Variants in SIGLEC10 observed in about 807,000 individuals in gnomAD.
SIGLEC10 encodes sialic acid binding Ig like lectin 10.
SIGLEC10 carries 45 observed loss-of-function variants against 68.3 expected under a neutral mutation model. The ratio of observed to expected loss-of-function variants is 0.66; its 90% CI spans 0.52 to 0.84. The LOEUF is 0.84. Among genes scored for constraint, SIGLEC10 ranks in the 40% least tolerant of loss-of-function variants. The probability of loss-of-function intolerance (pLI) is 0.00; values close to 1 mark genes in which losing one functional copy is unlikely to be tolerated. For missense variants in SIGLEC10, 789 were observed against 883.1 expected (o/e 0.89, Z 1.35); for synonymous variants, 379 against 370.8 (o/e 1.02, Z -0.26).
Position 51,415,220 on chromosome 19 carries a change from G to C in SIGLEC10, c.1291C>G (p.Leu431Val), listed in dbSNP as rs147035375. The change falls in exon 7 of 11, where the codon CTG becomes GTG. Residue 431 changes from leucine (L) to valine (V), a missense_variant. Physicochemically the swap from Leu to Val is conservative, Grantham distance 32 (BLOSUM62 1). Transcript: ENST00000339313. ...GEFTCHARHP[L>V]GSQHVSLSLS... ...CTGAGAGAGACGTGCTGGGAGCCCA[G>C]TGGGTGCCGAGCGTGGCAGGTGAAC... is the stretch of plus-strand genomic sequence containing the variant. The C allele has an allele frequency of 3.1e-6, 5 of 1,613,036 alleles. No individual in the cohort carries two copies. Among genetic ancestry groups the C allele is most frequent in the South Asian group, 2.2e-5 (2 of 90,954 alleles).
At chr19:51,413,883 G>A (rs1017807975) in intron 9 of SIGLEC10, 60 bp from the exon 10 acceptor site, 45 of 1,307,586 alleles carry the variant, frequency 3.4e-5, no homozygotes, top group South Asian at 5.9e-5. Flanking sequence ...AGACTGCCAC[G>A]TTTACTACCT....
rs756960551 is a variant in SIGLEC10 at position 51,411,155 on chromosome 19, C to T, written c.2038G>A (p.Glu680Lys). 2 of 1,614,218 alleles carry T rather than the reference C, an allele frequency of 1.2e-6. No homozygotes were observed. Among genetic ancestry groups the T allele is most frequent in the Non-Finnish European group, 1.7e-6 (2 of 1,180,042 alleles). Residue 680 changes from glutamate (E) to lysine (K), a missense_variant, in exon 11 of 11, where the codon GAG becomes AAG. Physicochemically the swap from Glu to Lys is moderately conservative, Grantham distance 56. Coordinates refer to ENST00000339313, the MANE Select transcript of SIGLEC10 (RefSeq NM_033130.5). ...LNFPGVRPRP[E>K]ARMPKGTQAD... Reference sequence around the variant, plus strand: ...TGGGTGCCCTTGGGCATCCGGGCCTCAGGCCTGGGTCTGACGCCTGGGAAG... The same window carrying T: ...TGGGTGCCCTTGGGCATCCGGGCCTTAGGCCTGGGTCTGACGCCTGGGAAG...
rs1202222104 is a variant in SIGLEC10 at position 51,415,954 on chromosome 19, C to T, written c.968G>A (p.Cys323Tyr). 1 of 1,613,644 alleles carries T rather than the reference C, an allele frequency of 6.2e-7. No homozygotes were observed. ...GGAGCCAAGCCTGTTCTCCGCTCGG[C>T]AGGTGTAGCGCCCTGAATCCCCAGC... ...VKAGDSGRYT[C>Y]RAENRLGSQQ... Residue 323 changes from cysteine to tyrosine, a missense_variant, in exon 5 of 11, where the codon TGC becomes TAC. Physicochemically the swap from Cys to Tyr is radical, Grantham distance 194. Transcript: ENST00000339313.
intron 10 of SIGLEC10, among the ~76,000 whole-genome samples, chr19:51,411,762 C>A (rs1444142323): frequency 6.6e-6 from 1 of 152,142 alleles, no homozygotes; most frequent in East Asian, 1.9e-4. Context: ...AGGAAAATCA[C>A]TTGAACCTGA....
chr19:51,416,159 G>T lies in SIGLEC10; in HGVS notation c.763C>A (p.Pro255Thr). The T allele has an allele frequency of 6.2e-7, 1 of 1,610,458 alleles. No individual in the cohort carries two copies. The highest frequency in any genetic ancestry group is 8.5e-7 in the Non-Finnish European group (1 of 1,178,456). ...TATGGGACATTTCCCTGGGGCTGGG[G>T]CTCCAGGGCTGGAGTGGGAGGAAAA... ...ISRDNTPALE[P>T]QPQGNVPYLE... Residue 255 changes from proline to threonine, a missense_variant, in exon 5 of 11, where the codon CCC becomes ACC. Coordinates refer to ENST00000339313, the MANE Select transcript of SIGLEC10 (RefSeq NM_033130.5).
intron 10 of SIGLEC10, among the ~76,000 whole-genome samples, chr19:51,412,035 C>G (rs181149666): frequency 6.6e-6 from 1 of 151,492 alleles, no homozygotes; most frequent in African/African-American, 2.4e-5. Context: ...CCCAGCTACT[C>G]AGGAGGCTGA....
At chr19:51,412,986 G>T (rs1334573871) in intron 10 of SIGLEC10, among the ~76,000 whole-genome samples, 1 of 151,842 alleles carries the variant, frequency 6.6e-6, no homozygotes, top group Admixed American at 6.6e-5. Context: ...TCAGGCTGGG[G>T]AATTATCTTA....
At position 51,416,765 on chromosome 19, in the gene SIGLEC10, T is replaced by G; in HGVS notation, c.607A>C (p.Thr203Pro). The G allele has an allele frequency of 6.2e-7, 1 of 1,614,172 alleles. No individual in the cohort carries two copies. Among genetic ancestry groups the G allele is most frequent in the South Asian group, 1.1e-5 (1 of 91,088 alleles). Reference protein sequence around the residue: ...TTSHFSVLSFTPRPQDHNTDL... With the variant: ...TTSHFSVLSFPPRPQDHNTDL... Reference sequence around the variant, plus strand: ...GTGTTGTGGTCCTGGGGTCTGGGCGTGAAGCTGAGCACTGAGAAGTGGGAG... The same window carrying G: ...GTGTTGTGGTCCTGGGGTCTGGGCGGGAAGCTGAGCACTGAGAAGTGGGAG... Residue 203 changes from threonine (T) to proline (P), a missense_variant, in exon 3 of 11, where the codon ACG (threonine) becomes CCG (proline). Coordinates refer to ENST00000339313, the MANE Select transcript of SIGLEC10 (RefSeq NM_033130.5).
chr19:51,416,100 G>T lies in SIGLEC10; in HGVS notation c.822C>A (p.Leu274=). ...LEAQKGQFLR[L]LCAADSQPPA... ...GGGGCTGGCTGTCAGCAGCACAGAG[G>T]AGCCGCAGGAACTGGCCTTTTTGGG... The change falls in exon 5 of 11, where the codon CTC becomes CTA. Residue 274 remains leucine, a synonymous_variant. Coordinates refer to ENST00000339313, the MANE Select transcript of SIGLEC10 (RefSeq NM_033130.5). 6.2e-7 allele frequency: 1 copy of T among 1,608,788 alleles called. No individual in the cohort carries two copies. Among genetic ancestry groups the T allele is most frequent in the Non-Finnish European group, 8.5e-7 (1 of 1,177,894 alleles).
chr19:51,415,791 C>T (rs1254869408), intron 5 of SIGLEC10, 107 bp downstream of exon 5: 5 of 1,580,938 alleles, frequency 3.2e-6, no homozygotes, highest in Non-Finnish European at 4.3e-6. Flanking sequence ...GAAGGTCGGT[C>T]TCCGAGGCCT....
At position 51,415,354 on chromosome 19, in the gene SIGLEC10, G is replaced by A; in HGVS notation, c.1157C>T (p.Pro386Leu). 6.2e-7 allele frequency: 1 copy of A among 1,613,266 alleles called. No individual in the cohort carries two copies. Among genetic ancestry groups the A allele is most frequent in the South Asian group, 1.1e-5 (1 of 90,980 alleles). Residue 386 changes from proline to leucine, a missense_variant, in exon 7 of 11, where the codon CCC becomes CTC. Physicochemically the swap from Pro to Leu is moderately conservative, Grantham distance 98. Coordinates refer to ENST00000339313, the MANE Select transcript of SIGLEC10 (RefSeq NM_033130.5). ...CTGGGTCCAGCTCAGCCTGGCTGGG[G>A]GGCTGCTGTGTGTGACACAGACCAG... ...LCLVCVTHSSPPARLSWTQRG... is the reference protein window; with the variant it reads ...LCLVCVTHSSLPARLSWTQRG...
rs144040699 is a variant in SIGLEC10, at chr19:51,414,207, G to T, written c.1709+215C>A. The T allele has an allele frequency of 5.1e-6, 3 of 586,264 alleles. No homozygotes were observed. Among genetic ancestry groups the T allele is most frequent in the East Asian group, 5.7e-5 (2 of 35,096 alleles). 36.3% of individuals were successfully genotyped at this position (586,264 alleles called of 1,614,324 possible). ...TGTGCCTAATTACAAGAAACACTTC[G>T]CTTGGGGCGTGACTGCCCTCAGCAT... On this transcript the variant is annotated intron_variant, in intron 9 of 10. Coordinates refer to ENST00000339313, the MANE Select transcript of SIGLEC10 (RefSeq NM_033130.5). This position sits in a 1 kb window ranked among gnomAD's most constrained non-coding sequence, Gnocchi z 4.1.
Position 51,413,969 on chromosome 19 carries a change from G to A in SIGLEC10, c.1710-146C>T, listed in dbSNP as rs899724095. 23 of 650,866 alleles carry A rather than the reference G, an allele frequency of 3.5e-5. No individual in the cohort carries two copies. The African/African-American group carries it at 3.7e-4, about 10-fold the overall frequency. The allele number at this position is 650,866 out of a possible 1,614,324, so 40.3% of individuals were successfully genotyped here. A position where few individuals can be genotyped will look rare whatever the true frequency, so the allele number is the denominator to read the frequency against. ...TGAGACTGAAAGAAGGAGGACAAACGTAGAAATGAAAACTTAAGACAAAAG... is the reference window on the plus strand; with the variant it reads ...TGAGACTGAAAGAAGGAGGACAAACATAGAAATGAAAACTTAAGACAAAAG... On this transcript the variant is annotated intron_variant, in intron 9 of 10. Transcript: ENST00000339313.
rs112584540 is a variant in SIGLEC10 at position 51,415,977 on chromosome 19, A to G, written c.945T>C (p.Ala315=). The part of the protein sequence containing the change: ...PLGLELPGVK[A]GDSGRYTCRA... ...GGCAGGTGTAGCGCCCTGAATCCCC[A>G]GCCTTCACCCCGGGCAGCTCCAGCC... is the stretch of plus-strand genomic sequence containing the variant. The change falls in exon 5 of 11, where the codon GCT becomes GCC. Residue 315 remains alanine, a synonymous_variant. Coordinates refer to ENST00000339313, the MANE Select transcript of SIGLEC10 (RefSeq NM_033130.5). 11,044 of 1,597,556 alleles carry G rather than the reference A, an allele frequency of 6.9e-3. 114 individuals carry two copies. The highest frequency in any genetic ancestry group is 9.7e-3 in the Middle Eastern group (55 of 5,646).
At chr19:51,412,079 T>G (rs1343663459) in intron 10 of SIGLEC10, among the ~76,000 whole-genome samples, 1 of 151,616 alleles carries the variant, frequency 6.6e-6, no homozygotes, top group Non-Finnish European at 1.5e-5. Context: ...GAGGTGGAGG[T>G]TGCAGTGAGC....
In SIGLEC10 at chr19:51,417,367, G is replaced by A. The variant is rs767368139; in HGVS notation, c.136C>T (p.Pro46Ser). Residue 46 changes from proline (P) to serine (S), a missense_variant, in exon 2 of 11, where the codon CCC becomes TCC. Transcript: ENST00000339313. Reference sequence around the variant, plus strand: ...GTAGACCCTGTCCAGTCCTGTCGGGGGTAGGAGAAAGAGCAGGGCACAGAG... The same window carrying A: ...GTAGACCCTGTCCAGTCCTGTCGGGAGTAGGAGAAAGAGCAGGGCACAGAG... ...CISVPCSFSY[P>S]RQDWTGSTPA... 6.2e-7 allele frequency: 1 copy of A among 1,614,212 alleles called. No individual in the cohort carries two copies. The highest frequency in any genetic ancestry group is 8.5e-7 in the Non-Finnish European group (1 of 1,180,036).
rs536871254 is a variant in SIGLEC10 at position 51,414,910 on chromosome 19, T to C, written c.1529A>G (p.His510Arg). ...CCTGAGGCCGGAGCTGAGCCCTCCA[T>C]GGAGGCTCAGGGAGCTGTTGGCCCA... Reference protein sequence around the residue: ...GPWANSSLSLHGGLSSGLRLR... With the variant: ...GPWANSSLSLRGGLSSGLRLR... The change falls in exon 8 of 11, where the codon CAT (histidine) becomes CGT (arginine). Residue 510 changes from histidine (H) to arginine (R), a missense_variant. His to Arg is a conservative substitution (Grantham distance 29). Transcript: ENST00000339313. The surrounding 1 kb of genome is among the most constrained non-coding windows in gnomAD (Gnocchi z 4.1). The C allele has an allele frequency of 2.5e-6, 4 of 1,614,060 alleles. No homozygotes were observed. The East Asian group carries it at 6.7e-5, about 27-fold the overall frequency.
intron 10 of SIGLEC10, 67 bp from the exon 11 acceptor site, chr19:51,411,438 G>C: frequency 1.9e-6 from 3 of 1,580,260 alleles, no homozygotes; most frequent in Non-Finnish European, 2.6e-6. Context: ...CCACGCGTCG[G>C]GCACTGATTT....
rs758659689 is a variant in SIGLEC10, at chr19:51,413,696, T to C, written c.1821+16A>G. 3 of 1,608,770 alleles carry C rather than the reference T, an allele frequency of 1.9e-6. No homozygotes were observed. The highest frequency in any genetic ancestry group is 1.1e-5 in the South Asian group (1 of 90,882). On this transcript the variant is annotated intron_variant, in intron 10 of 10. Transcript: ENST00000339313. ...TTAGAGAAGAGAAAAAGTGGAAGCATGGCCCAGACACTCACCAGGGGGCCA... is the reference window on the plus strand; with the variant it reads ...TTAGAGAAGAGAAAAAGTGGAAGCACGGCCCAGACACTCACCAGGGGGCCA...
Sources: allele counts gnomAD v4.1 joint callset (sites outside exome capture counted in the v4.1 genomes callset), GRCh38; gene constraint gnomAD v4.1.1; non-coding constraint Gnocchi (gnomAD v3.1); transcripts MANE v1.5; gene names NCBI Gene and HGNC (gene_info 2026-07-23, HGNC 2026-07-21).